Variants in VRK2 observed in about 807,000 individuals in gnomAD.
VRK2 encodes VRK serine/threonine kinase 2.
Under a neutral mutation model 57.6 loss-of-function variants are expected in VRK2, and 60 were observed. That is an observed-to-expected ratio of 1.04 (90% CI 0.85 to 1.29). The LOEUF (loss-of-function observed/expected upper bound fraction) is 1.29, where lower values mean the gene tolerates loss of function less well. VRK2 is among the 50% of genes most tolerant of loss of function. The pLI, the probability that VRK2 is intolerant of heterozygous loss-of-function variation, is 0.00. For missense variants in VRK2, 705 were observed against 588.1 expected, an observed-to-expected ratio of 1.20 and a Z score of -2.06; for synonymous variants, 231 against 199.2, an observed-to-expected ratio of 1.16 and a Z score of -1.35.
chr2:57,936,634 T>C (rs944323306), intron 1 of VRK2, among the ~76,000 whole-genome samples: 1 of 151,844 alleles, frequency 6.6e-6, no homozygotes, highest in African/African-American at 2.4e-5. Context: ...GTTTTATTTA[T>C]TAATTTCTAT....
chr2:58,032,764 G>A (rs1202850011), intron 2 of VRK2, among the ~76,000 whole-genome samples: 3 of 152,098 alleles, frequency 2.0e-5, no homozygotes, highest in Non-Finnish European at 2.9e-5. Context: ...AGGACTGGCT[G>A]CTTTTTGCAG....
At position 58,000,007 on chromosome 2, in the gene VRK2, C is replaced by A. The variant is rs1265323269; in HGVS notation, c.-438-25658C>A. 1.2e-4 allele frequency among the ~76,000 whole-genome samples: 18 copies of A among 150,832 alleles called. No homozygotes were observed. In the South Asian group the frequency reaches 1.5e-3, roughly 12 times the overall value. ...AAAATTTAATACACACACACATGCACACACGCACACACGCACACACGCATG... is the reference window on the plus strand; with the variant it reads ...AAAATTTAATACACACACACATGCAAACACGCACACACGCACACACGCATG... On this transcript the variant is annotated intron_variant, in intron 1 of 15. Transcript: ENST00000417641.
intron 1 of VRK2, among the ~76,000 whole-genome samples, chr2:58,015,868 G>T (rs1044338327): frequency 6.6e-6 from 1 of 152,022 alleles, no homozygotes; most frequent in Non-Finnish European, 1.5e-5. Context: ...TGAAGTTCTT[G>T]ATCTCTGTCT....
chr2:58,122,550 C>T (rs561808736), intron 7 of VRK2, among the ~76,000 whole-genome samples: 1 of 152,316 alleles, frequency 6.6e-6, no homozygotes, highest in East Asian at 1.9e-4. Flanking sequence ...AGGTCTTCAT[C>T]GTCTTCACGT....
chr2:58,113,511 GT>G (rs1313245715), intron 7 of VRK2, among the ~76,000 whole-genome samples: 2 of 152,116 alleles, frequency 1.3e-5, no homozygotes, highest in Non-Finnish European at 2.9e-5. Context: ...CTGGGTGCAG[GT>G]GGGCTGAGTC....
chr2:57,911,665 T>C (rs1190653763), intron 1 of VRK2, among the ~76,000 whole-genome samples: 1 of 152,222 alleles, frequency 6.6e-6, no homozygotes, highest in Non-Finnish European at 1.5e-5. Context: ...GCATAATTCA[T>C]GTGCATCAAT....
upstream of VRK2, among the ~76,000 whole-genome samples, chr2:58,041,662 C>G (rs1674462008): frequency 6.6e-6 from 1 of 152,088 alleles, no homozygotes; most frequent in Non-Finnish European, 1.5e-5. Flanking sequence ...TAGAGAATCC[C>G]CTTCCCTTTC....
At chr2:58,077,749 A>G (rs1373221981) in intron 2 of VRK2, among the ~76,000 whole-genome samples, 1 of 152,078 alleles carries the variant, frequency 6.6e-6, no homozygotes, top group Non-Finnish European at 1.5e-5. Context: ...TAATGTGCGT[A>G]CTGCCACAAT....
chr2:58,120,904 C>G (rs1026921946), intron 7 of VRK2, among the ~76,000 whole-genome samples: 1 of 152,184 alleles, frequency 6.6e-6, no homozygotes, highest in Non-Finnish European at 1.5e-5. Flanking sequence ...CACCCCAGTG[C>G]TTTAAAACTC....
intron 1 of VRK2, among the ~76,000 whole-genome samples, chr2:57,978,166 A>AT (rs762582625): frequency 6.6e-6 from 1 of 151,184 alleles, no homozygotes; most frequent in Non-Finnish European, 1.5e-5. Flanking sequence ...AAAATAATTC[A>AT]TTAACATACT....
rs920342532 is a variant in VRK2, at chr2:58,149,972, G to A, written c.1182+3498G>A. 2.7e-5 allele frequency among the ~76,000 whole-genome samples: 4 copies of A among 147,660 alleles called. No individual in the cohort carries two copies. In the Admixed American group the frequency reaches 2.7e-4, roughly 10 times the overall value. On this transcript the variant is annotated intron_variant, in intron 12 of 12. Transcript: ENST00000340157. ...TATACCTAGACTGATGAGGGATACT[G>A]GTCTGTAATTTTCTTTTTCTTTTCT...
At chr2:57,977,169 T>A (rs560105212) in intron 1 of VRK2, among the ~76,000 whole-genome samples, 1 of 152,318 alleles carries the variant, frequency 6.6e-6, no homozygotes, top group Non-Finnish European at 1.5e-5. Flanking sequence ...TTTGTTCTTT[T>A]AATTTAGGAT....
At chr2:57,927,845 G>C (rs1670590016) in intron 1 of VRK2, among the ~76,000 whole-genome samples, 2 of 152,092 alleles carry the variant, frequency 1.3e-5, no homozygotes, top group African/African-American at 4.8e-5. Flanking sequence ...TTTTCCTTCA[G>C]CACTTTAAAT....
At chr2:57,961,674 A>C in intron 1 of VRK2, among the ~76,000 whole-genome samples, 1 of 133,716 alleles carries the variant, frequency 7.5e-6, no homozygotes, top group African/African-American at 2.8e-5. Context: ...CTATAATTCC[A>C]ATTTAACTGA....
chr2:58,073,136 A>G (rs976097589), intron 2 of VRK2, among the ~76,000 whole-genome samples: 2 of 152,008 alleles, frequency 1.3e-5, no homozygotes, highest in African/African-American at 4.8e-5. Flanking sequence ...TTAGTCATTA[A>G]TTTCTAATTT....
At chr2:57,934,670 C>A (rs553860061) in intron 1 of VRK2, among the ~76,000 whole-genome samples, 1 of 152,136 alleles carries the variant, frequency 6.6e-6, no homozygotes, top group Non-Finnish European at 1.5e-5. Context: ...CTGCTTCTTT[C>A]TTTCTCTTTT....
At chr2:57,922,435 A>T (rs371442430) in intron 1 of VRK2, among the ~76,000 whole-genome samples, 1 of 144,924 alleles carries the variant, frequency 6.9e-6, no homozygotes, top group Admixed American at 7.0e-5. Context: ...CATAACCATC[A>T]CCTCACATAG....
At chr2:57,985,985 T>G (rs1251074700) in intron 1 of VRK2, among the ~76,000 whole-genome samples, 3 of 152,130 alleles carry the variant, frequency 2.0e-5, no homozygotes, top group Non-Finnish European at 4.4e-5. Flanking sequence ...TGCTGAAAAT[T>G]ACAAAACCAA....
intron 12 of VRK2, among the ~76,000 whole-genome samples, chr2:58,156,311 T>C (rs1482972880): frequency 6.6e-6 from 1 of 152,158 alleles, no homozygotes; most frequent in African/African-American, 2.4e-5. Context: ...CAAGATTTGC[T>C]TGTTATTTTT....
Sources: gnomAD v4.1 joint callset for allele counts (sites outside exome capture counted in the v4.1 genomes callset) on GRCh38, gnomAD v4.1.1 for gene constraint, MANE v1.5 for transcripts, NCBI Gene and HGNC (gene_info 2026-07-23, HGNC 2026-07-21) for gene names.